The following NETO2 variants were observed in gnomAD, a reference collection of about 807,000 sequenced individuals.
The protein encoded by NETO2 is neuropilin and tolloid like 2.
NETO2 carries 28 observed loss-of-function variants against 62.5 expected under a neutral mutation model. The ratio of observed to expected loss-of-function variants is 0.45; its 90% CI spans 0.33 to 0.61. NETO2 has a LOEUF of 0.61. Among genes scored for constraint, NETO2 ranks in the 20% least tolerant of loss-of-function variants. The pLI is 0.02. For missense variants in NETO2, 548 were observed against 643.2 expected, an observed-to-expected ratio of 0.85 and a Z score of 1.60; for synonymous variants, 214 against 219.1, an observed-to-expected ratio of 0.98 and a Z score of 0.21.
At chr16:47,139,187 A>G (rs2151495947) in intron 1 of NETO2, among the ~76,000 whole-genome samples, 1 of 152,334 alleles carries the variant, frequency 6.6e-6, no homozygotes, top group African/African-American at 2.4e-5. Context: ...AGACACGATG[A>G]ACACATGGGG....
chr16:47,122,971 G>T, intron 4 of NETO2, 59 bp from the exon 5 acceptor site: 1 of 1,490,454 alleles, frequency 6.7e-7, no homozygotes, highest in Non-Finnish European at 9.3e-7. Flanking sequence ...AATCCTCGAT[G>T]TCTTACATTA....
At chr16:47,121,053 T>C (rs1409866426) in intron 6 of NETO2, among the ~76,000 whole-genome samples, 1 of 152,208 alleles carries the variant, frequency 6.6e-6, no homozygotes, top group Admixed American at 6.5e-5. Context: ...AACTGCCACC[T>C]CTTCCAGCGA....
chr16:47,134,334 C>CT (rs1194169765), intron 1 of NETO2, among the ~76,000 whole-genome samples: 2 of 152,092 alleles, frequency 1.3e-5, no homozygotes, highest in Non-Finnish European at 2.9e-5. Flanking sequence ...TCCCCCTTCC[C>CT]TTTTTTTGGT....
chr16:47,091,784 T>C (rs1228769097), intron 7 of NETO2, among the ~76,000 whole-genome samples: 1 of 152,174 alleles, frequency 6.6e-6, no homozygotes, highest in Non-Finnish European at 1.5e-5. Context: ...ATAAGAACCT[T>C]GGGTGCTGAG....
chr16:47,101,956 AAGGAGCCTGTAT>A (rs777403931), intron 7 of NETO2, among the ~76,000 whole-genome samples: 2 of 152,250 alleles, frequency 1.3e-5, no homozygotes, highest in Non-Finnish European at 2.9e-5. Flanking sequence ...AGGAACCAAA[AAGGAGCCTGTAT>A]AGCCAAGACA....
At position 47,079,600 on chromosome 16, in the gene NETO2, A is replaced by G. The variant is rs551312430; in HGVS notation, c.*3621T>C. Reference sequence around the variant, plus strand: ...ACAGAGCGAGACTCCGTCTCAAAAAAGAAAAAAACCAGAGTACTGGGGTTC... The same window carrying G: ...ACAGAGCGAGACTCCGTCTCAAAAAGGAAAAAAACCAGAGTACTGGGGTTC... On this transcript the variant is annotated 3_prime_UTR_variant, in exon 9 of 9. Transcript: ENST00000562435. 10 of 152,586 alleles carry G rather than the reference A, an allele frequency of 6.6e-5. No homozygotes were observed. The highest frequency in any genetic ancestry group is 2.4e-4 in the African/African-American group (10 of 41,602). 9.5% of individuals were successfully genotyped at this position (152,586 alleles called of 1,614,324 possible).
chr16:47,105,462 AAAC>A (rs1285939290), intron 7 of NETO2, among the ~76,000 whole-genome samples: 1 of 152,188 alleles, frequency 6.6e-6, no homozygotes, highest in East Asian at 1.9e-4. Flanking sequence ...ATCACACCAA[AAAC>A]AACAACAAAA....
chr16:47,083,556 A>T lies in NETO2; in HGVS notation c.1243T>A (p.Leu415Met). The T allele has an allele frequency of 1.2e-6, 2 of 1,614,228 alleles. No homozygotes were observed. The highest frequency in any genetic ancestry group is 1.7e-6 in the Non-Finnish European group (2 of 1,180,038). The change falls in exon 9 of 9, where the codon TTG becomes ATG. Residue 415 changes from leucine to methionine, a missense_variant. Leu to Met is a conservative substitution (Grantham distance 15, BLOSUM62 2). Coordinates refer to ENST00000562435, the MANE Select transcript of NETO2 (RefSeq NM_018092.5). ...TGGTAGTTGTCCAATTCTTCCGACA[A>T]GTCTGCCAGGTCTGCAGAAATCTCT... is the stretch of plus-strand genomic sequence containing the variant. ...DKEISADLADLSEELDNYQKM... is the reference protein window; with the variant it reads ...DKEISADLADMSEELDNYQKM...
intron 7 of NETO2, among the ~76,000 whole-genome samples, chr16:47,088,139 C>G (rs1963238013): frequency 6.6e-6 from 1 of 152,018 alleles, no homozygotes; most frequent in Admixed American, 6.6e-5. Context: ...GAGTCTCGCT[C>G]TGTTGCCCAG....
Position 47,083,193 on chromosome 16 carries a change from A to G in NETO2, c.*28T>C. On this transcript the variant is annotated 3_prime_UTR_variant, in exon 9 of 9. Coordinates refer to ENST00000562435, the MANE Select transcript of NETO2 (RefSeq NM_018092.5). Reference sequence around the variant, plus strand: ...TGGAGGCTGCGTACGTACACACCCTAAGAATTCACATCACCATTAGCAGAA... The same window carrying G: ...TGGAGGCTGCGTACGTACACACCCTGAGAATTCACATCACCATTAGCAGAA... The G allele has an allele frequency of 1.9e-6, 3 of 1,575,786 alleles. No individual in the cohort carries two copies. The South Asian group carries it at 3.6e-5, about 19-fold the overall frequency.
chr16:47,083,187 C>T lies in NETO2; in HGVS notation c.*34G>A. ...GTGCCCTGGAGGCTGCGTACGTACA[C>T]ACCCTAAGAATTCACATCACCATTA... is the stretch of plus-strand genomic sequence containing the variant. On this transcript the variant is annotated 3_prime_UTR_variant, in exon 9 of 9. Coordinates refer to ENST00000562435, the MANE Select transcript of NETO2 (RefSeq NM_018092.5). The T allele has an allele frequency of 6.4e-7, 1 of 1,565,612 alleles. No homozygotes were observed. Among genetic ancestry groups the T allele is most frequent in the African/African-American group, 1.4e-5 (1 of 73,982 alleles).
At chr16:47,115,368 A>G (rs1213571407) in intron 6 of NETO2, among the ~76,000 whole-genome samples, 1 of 152,134 alleles carries the variant, frequency 6.6e-6, no homozygotes, top group Non-Finnish European at 1.5e-5. Context: ...ACATTGACAC[A>G]GTATATTTAC....
intron 7 of NETO2, among the ~76,000 whole-genome samples, chr16:47,091,165 A>C (rs1408468753): frequency 2.6e-5 from 4 of 152,198 alleles, no homozygotes; most frequent in African/African-American, 9.6e-5. Context: ...TATTTTAATC[A>C]CACACACTTT....
At chr16:47,104,881 G>A (rs1963637562) in intron 7 of NETO2, among the ~76,000 whole-genome samples, 1 of 151,844 alleles carries the variant, frequency 6.6e-6, no homozygotes, top group South Asian at 2.1e-4. Flanking sequence ...CACCACGCCT[G>A]GCTAAATTTT....
In NETO2 at chr16:47,080,069, G is replaced by C. The variant is rs2143778572; in HGVS notation, c.*3152C>G. 1 of 152,288 alleles carries C rather than the reference G, an allele frequency of 6.6e-6. No individual in the cohort carries two copies. The highest frequency in any genetic ancestry group is 1.5e-5 in the Non-Finnish European group (1 of 68,018). 9.4% of individuals were successfully genotyped at this position (152,288 alleles called of 1,614,324 possible). ...CTGACATAAGCGCTGTCGGGTTAAA[G>C]GAGTCTTTGAAATCTCTTTTGTGAT... is the stretch of plus-strand genomic sequence containing the variant. On this transcript the variant is annotated 3_prime_UTR_variant, in exon 9 of 9. Coordinates refer to ENST00000562435, the MANE Select transcript of NETO2 (RefSeq NM_018092.5).
At chr16:47,121,074 G>A (rs1038123088) in intron 6 of NETO2, among the ~76,000 whole-genome samples, 1 of 152,068 alleles carries the variant, frequency 6.6e-6, no homozygotes, top group Non-Finnish European at 1.5e-5. Flanking sequence ...TACACTCTGG[G>A]TAATTTCCTC....
chr16:47,122,291 T>G (rs1046673447), intron 6 of NETO2, among the ~76,000 whole-genome samples: 1 of 152,160 alleles, frequency 6.6e-6, no homozygotes, highest in African/African-American at 2.4e-5. Flanking sequence ...TGAGAACACA[T>G]TTTCACCTCT....
At chr16:47,094,263 A>ATTTTTTTTTTTTTTTTTTTTTTT (rs35543379) in intron 7 of NETO2, among the ~76,000 whole-genome samples, 1 of 137,780 alleles carries the variant, frequency 7.3e-6, no homozygotes, top group African/African-American at 2.7e-5. Context: ...TATCACTTGG[A>ATTTTTTTTTTTTTTTTTTTTTTT]TTTTTTTTTT....
At chr16:47,113,536 C>A (rs909525617) in intron 6 of NETO2, among the ~76,000 whole-genome samples, 3 of 149,780 alleles carry the variant, frequency 2.0e-5, no homozygotes, top group Non-Finnish European at 4.4e-5. Context: ...TAGTTTATCC[C>A]TTTTTATTGT....
Sources: allele counts gnomAD v4.1 joint callset (sites outside exome capture counted in the v4.1 genomes callset), GRCh38; gene constraint gnomAD v4.1.1; transcripts MANE v1.5; gene names NCBI Gene and HGNC (gene_info 2026-07-23, HGNC 2026-07-21).